ADARB2: variants seen among roughly 807,000 people sequenced by gnomAD.
ADARB2 encodes adenosine deaminase RNA specific B2 (inactive).
ADARB2 carries 25 observed loss-of-function variants against 62.2 expected under a neutral mutation model. The observed-to-expected ratio is 0.40, with a 90% CI of 0.29 to 0.56. ADARB2 has a LOEUF of 0.56. Among genes scored for constraint, ADARB2 ranks in the 20% least tolerant of loss-of-function variants. ADARB2 has a pLI of 0.43. For missense variants in ADARB2, 1,071 were observed against 1,077.4 expected (o/e 0.99, Z 0.08); for synonymous variants, 572 against 500.8 (o/e 1.14, Z -1.90).
At chr10:1,347,649 G>C (rs766642620) in intron 3 of ADARB2, among the ~76,000 whole-genome samples, 1 of 152,152 alleles carries the variant, frequency 6.6e-6, no homozygotes, top group South Asian at 2.1e-4. Context: ...CATCGGCTAC[G>C]AGACCCTCAG....
intron 3 of ADARB2, among the ~76,000 whole-genome samples, chr10:1,357,129 G>A (rs183289860): frequency 4.6e-5 from 7 of 152,300 alleles, no homozygotes; most frequent in Admixed American, 1.3e-4. Context: ...ACGTGAAACC[G>A]AACTCAGGAC....
At chr10:1,349,739 G>A (rs1274698793) in intron 3 of ADARB2, among the ~76,000 whole-genome samples, 2 of 152,052 alleles carry the variant, frequency 1.3e-5, no homozygotes, top group Non-Finnish European at 2.9e-5. Context: ...CCAAAACTCC[G>A]GCGCTGGTCA....
rs551980778 is a variant in ADARB2, at chr10:1,672,258, C to T, written c.100+64793G>A. Among the ~76,000 whole-genome samples, 5 of 152,262 alleles carry T rather than the reference C, an allele frequency of 3.3e-5. No homozygotes were observed. In the South Asian group the frequency reaches 1.0e-3, roughly 32 times the overall value. The stretch of plus-strand genomic sequence containing the variant: ...TGCAGCTTGGGGCTCCTGTGGACTG[C>T]GGGCTGCCCAGGGATGTGCTGTGGG... On this transcript the variant is annotated intron_variant, in intron 1 of 9. Coordinates refer to ENST00000381312, the MANE Select transcript of ADARB2 (RefSeq NM_018702.4).
intron 3 of ADARB2, among the ~76,000 whole-genome samples, chr10:1,287,019 G>T (rs1831420594): frequency 6.6e-6 from 1 of 152,146 alleles, no homozygotes; most frequent in Non-Finnish European, 1.5e-5. Flanking sequence ...TGTTTAAAGG[G>T]TACATTTTGA....
chr10:1,315,239 C>T (rs1347904255), intron 3 of ADARB2, among the ~76,000 whole-genome samples: 2 of 152,156 alleles, frequency 1.3e-5, no homozygotes, highest in Non-Finnish European at 2.9e-5. Context: ...CCGAGCCAGG[C>T]ACCAGGTGCT....
chr10:1,353,213 C>G (rs1299553441), intron 3 of ADARB2, among the ~76,000 whole-genome samples: 1 of 152,168 alleles, frequency 6.6e-6, no homozygotes, highest in Non-Finnish European at 1.5e-5. Flanking sequence ...GCAGAAGACC[C>G]TTCAATACTT....
At position 1,271,028 on chromosome 10, in the gene ADARB2, G is replaced by A; in HGVS notation, c.1119C>T (p.Phe373=). 1 of 1,614,044 alleles carries A rather than the reference G, an allele frequency of 6.2e-7. No individual in the cohort carries two copies. The highest frequency in any genetic ancestry group is 8.5e-7 in the Non-Finnish European group (1 of 1,179,992). ...GCGTGAGGTCCGTCGTCACCTCGCG[G>A]AACTTCTGTGTGACCAGCTGGGATA... The part of the protein sequence containing the change: ...DSISQLVTQK[F]REVTTDLTPM... The change falls in exon 4 of 10, where the codon TTC becomes TTT. Residue 373 remains phenylalanine, a synonymous_variant. Transcript: ENST00000381312.
At chr10:1,509,830 A>T (rs966693298) in intron 1 of ADARB2, among the ~76,000 whole-genome samples, 1 of 152,236 alleles carries the variant, frequency 6.6e-6, no homozygotes, top group Non-Finnish European at 1.5e-5. Flanking sequence ...ATCTTATCTT[A>T]AAGGGGCATC....
chr10:1,380,173 C>T (rs901490708), intron 1 of ADARB2, among the ~76,000 whole-genome samples: 1 of 152,202 alleles, frequency 6.6e-6, no homozygotes, highest in African/African-American at 2.4e-5. Context: ...CCAGCCCGCA[C>T]GGTTCACATG....
intron 1 of ADARB2, among the ~76,000 whole-genome samples, chr10:1,591,175 A>G (rs1802000591): frequency 1.3e-5 from 2 of 152,144 alleles, no homozygotes; most frequent in Admixed American, 1.3e-4. Context: ...TCCCCAGGTT[A>G]TGGACTCCGC....
At position 1,363,947 on chromosome 10, in the gene ADARB2, C is replaced by G. The variant is rs371959649; in HGVS notation, c.188-30G>C. On this transcript the variant is annotated intron_variant, in intron 2 of 9. Coordinates refer to ENST00000381312, the MANE Select transcript of ADARB2 (RefSeq NM_018702.4). ...AGGGGAGAACAGACCAGTCAGGAGC[C>G]TGGGCGGGCGCCGGCAGGTCGATGG... 2.1e-6 allele frequency: 3 copies of G among 1,423,132 alleles called. No homozygotes were observed. In the East Asian group the frequency reaches 8.0e-5, roughly 38 times the overall value. 88.2% of individuals were successfully genotyped at this position (1,423,132 alleles called of 1,614,324 possible).
intron 7 of ADARB2, among the ~76,000 whole-genome samples, chr10:1,215,211 A>G (rs1837218020): frequency 6.6e-6 from 1 of 152,174 alleles, no homozygotes; most frequent in African/African-American, 2.4e-5. Flanking sequence ...TTGTCCTGTT[A>G]TCTGTTGGGC....
At chr10:1,502,306 T>C (rs1459539141) in intron 1 of ADARB2, among the ~76,000 whole-genome samples, 1 of 152,226 alleles carries the variant, frequency 6.6e-6, no homozygotes, top group Non-Finnish European at 1.5e-5. Flanking sequence ...GGAGCATTTC[T>C]AATTTTAAGT....
chr10:1,533,628 C>T (rs903390987), intron 1 of ADARB2, among the ~76,000 whole-genome samples: 7 of 152,236 alleles, frequency 4.6e-5, no homozygotes, highest in African/African-American at 1.7e-4. Flanking sequence ...ACAAAAGATG[C>T]TGCCCTTGGG....
chr10:1,703,300 T>G, intron 1 of ADARB2, among the ~76,000 whole-genome samples: 1 of 151,678 alleles, frequency 6.6e-6, no homozygotes, highest in African/African-American at 2.4e-5. Flanking sequence ...ATGAGGAGGG[T>G]GACATTTTAG....
At chr10:1,409,293 C>G (rs946360443) in intron 1 of ADARB2, among the ~76,000 whole-genome samples, 2 of 146,770 alleles carry the variant, frequency 1.4e-5, no homozygotes, top group Non-Finnish European at 3.1e-5. Flanking sequence ...GCTCCCACTT[C>G]GTCAGTGCAT....
intron 3 of ADARB2, among the ~76,000 whole-genome samples, chr10:1,336,381 G>C (rs750873001): frequency 1.3e-5 from 2 of 152,090 alleles, no homozygotes; most frequent in Non-Finnish European, 2.9e-5. Context: ...TTAAATACCC[G>C]GTTCCTAATC....
chr10:1,524,421 C>T (rs1335401085), intron 1 of ADARB2, among the ~76,000 whole-genome samples: 1 of 152,134 alleles, frequency 6.6e-6, no homozygotes, highest in African/African-American at 2.4e-5. Context: ...AGCAGGCATC[C>T]ATGTTTGTGA....
At chr10:1,383,159 G>C (rs188225631) in intron 1 of ADARB2, among the ~76,000 whole-genome samples, 1 of 152,198 alleles carries the variant, frequency 6.6e-6, no homozygotes, top group African/African-American at 2.4e-5. Context: ...CATCTGGAGG[G>C]CACAGCAGCC....
Sources: gnomAD v4.1 joint callset for allele counts (sites outside exome capture counted in the v4.1 genomes callset) on GRCh38, gnomAD v4.1.1 for gene constraint, MANE v1.5 for transcripts, NCBI Gene and HGNC (gene_info 2026-07-23, HGNC 2026-07-21) for gene names.